The following VPS13C variants were observed in gnomAD, a reference collection of about 807,000 sequenced individuals.
VPS13C encodes the protein vacuolar protein sorting 13 homolog C.
Under a neutral mutation model 456.8 loss-of-function variants are expected in VPS13C, and 358 were observed. That is an observed-to-expected ratio of 0.78 (90% CI 0.72 to 0.86). The LOEUF is 0.86. Among genes scored for constraint, VPS13C ranks in the 40% least tolerant of loss-of-function variants. The pLI is 0.00. For synonymous variants in VPS13C, 1,578 were observed against 1,486.7 expected (o/e 1.06, Z -1.41); for missense variants, 4,818 against 4,385.4 (o/e 1.10, Z -2.79).
chr15:61,947,425 C>A, intron 42 of VPS13C, 116 bp from the exon 43 acceptor site: 1 of 664,074 alleles, frequency 1.5e-6, no homozygotes, highest in South Asian at 2.0e-5. Flanking sequence ...ACCAAAATGC[C>A]CTCCATTAAG....
intron 53 of VPS13C, 65 bp downstream of exon 53, chr15:61,925,391 T>A (rs889235877): frequency 4.3e-6 from 4 of 937,836 alleles, no homozygotes; most frequent in Non-Finnish European, 6.0e-6. Context: ...CTGTCTCAAC[T>A]GCAAATATGC....
At chr15:61,907,417 T>A (rs1435832100) in intron 65 of VPS13C, 27 bp from the exon 66 acceptor site, 1 of 1,610,024 alleles carries the variant, frequency 6.2e-7, no homozygotes, top group East Asian at 2.2e-5. Flanking sequence ...AGAGAGAAAA[T>A]CAGAATATCT....
intron 24 of VPS13C, among the ~76,000 whole-genome samples, 191 bp downstream of exon 24, chr15:61,976,891 A>G (rs1375662173): frequency 6.6e-6 from 1 of 152,018 alleles, no homozygotes; most frequent in Non-Finnish European, 1.5e-5. Flanking sequence ...AAAAGTCCAA[A>G]TATTTCTGAA....
intron 3 of VPS13C, among the ~76,000 whole-genome samples, chr15:62,035,344 T>G (rs2047957216): frequency 6.6e-6 from 1 of 151,962 alleles, no homozygotes; most frequent in Admixed American, 6.6e-5. Context: ...ATTATTTCAA[T>G]CCTGAAAAAA....
Position 61,911,934 on chromosome 15 carries a change from A to G in VPS13C, c.8621T>C (p.Ile2874Thr), listed in dbSNP as rs775999642. The G allele has an allele frequency of 6.2e-7, 1 of 1,613,056 alleles. No homozygotes were observed. The highest frequency in any genetic ancestry group is 8.5e-7 in the Non-Finnish European group (1 of 1,179,460). The change falls in exon 63 of 85, where the codon ATT (isoleucine) becomes ACT (threonine). Residue 2874 changes from isoleucine to threonine, a missense_variant. Physicochemically the swap from Ile to Thr is moderately conservative, Grantham distance 89. Around this residue, in one of 3 missense-constraint regions of VPS13C, gnomAD observed 4,552 missense variants for 4,130.6 expected, o/e 1.10. Coordinates refer to ENST00000644861, the MANE Select transcript of VPS13C (RefSeq NM_020821.3). ...RIVTLTPFCT[I>T]ANKSSLELEV... Reference sequence around the variant, plus strand: ...TAGTTCTAATGATGACTTGTTTGCAATGGTACAAAAGGGAGTCAGGGTAAC... The same window carrying G: ...TAGTTCTAATGATGACTTGTTTGCAGTGGTACAAAAGGGAGTCAGGGTAAC...
intron 41 of VPS13C, among the ~76,000 whole-genome samples, chr15:61,949,815 C>T (rs1406555641): frequency 1.3e-5 from 2 of 152,134 alleles, no homozygotes; most frequent in Non-Finnish European, 2.9e-5. Context: ...TGTGCAACCA[C>T]AATTTTAACT....
At position 61,927,295 on chromosome 15, in the gene VPS13C, A is replaced by G. The variant is rs1242671752; in HGVS notation, c.6312T>C (p.Thr2104=). The part of the protein sequence containing the change: ...EKDDSVRPNM[T]LKAMITDPEV... ...CTGGATCTGTGATCATGGCCTTTAA[A>G]GTCATATTTGGTCTAACAGAGTCAT... The change falls in exon 52 of 85, where the codon ACT becomes ACC. Residue 2104 remains threonine, a synonymous_variant. Transcript: ENST00000644861. 17 of 1,614,058 alleles carry G rather than the reference A, an allele frequency of 1.1e-5. No individual in the cohort carries two copies. Among genetic ancestry groups the G allele is most frequent in the Admixed American group, 5.0e-5 (3 of 60,006 alleles).
intron 30 of VPS13C, 146 bp downstream of exon 30, chr15:61,965,937 G>A (rs1470153720): frequency 1.3e-5 from 6 of 471,590 alleles, no homozygotes; most frequent in Admixed American, 4.2e-5. Context: ...ACAGAGCATG[G>A]TAAGTATCGA....
chr15:62,037,334 TTATATATAATA>T, intron 3 of VPS13C, among the ~76,000 whole-genome samples: 1 of 79,820 alleles, frequency 1.3e-5, no homozygotes, highest in Non-Finnish European at 2.4e-5. Context: ...TTATATACAT[TTATATATAATA>T]TATTATATAT....
chr15:61,965,793 T>C (rs965067536), intron 30 of VPS13C, among the ~76,000 whole-genome samples: 1 of 151,928 alleles, frequency 6.6e-6, no homozygotes, highest in Non-Finnish European at 1.5e-5. Flanking sequence ...TTGGCTAGTT[T>C]AGAAACCTTT....
intron 62 of VPS13C, among the ~76,000 whole-genome samples, chr15:61,912,239 T>G (rs2043322761): frequency 6.6e-6 from 1 of 152,220 alleles, no homozygotes; most frequent in Non-Finnish European, 1.5e-5. Context: ...AACTAACGAC[T>G]TACAATGACA....
rs17303894 is a variant in VPS13C, at chr15:61,873,378, G to A, written c.10446C>T (p.Thr3482=). 0.073 allele frequency: 117,824 copies of A among 1,612,458 alleles called. 4,574 individuals are homozygous for A. The highest frequency in any genetic ancestry group is 0.083 in the Middle Eastern group (503 of 6,060). ...GGAAGVVSRI[T]GSVGKGLAAI... ...CTGCCAAACCTTTCCCAACAGAACC[G>A]GTGATTCGAGATACAACTCCTGCTG... is the stretch of plus-strand genomic sequence containing the variant. The change falls in exon 78 of 85, where the codon ACC becomes ACT. Residue 3482 remains threonine (T), a synonymous_variant. Transcript: ENST00000644861.
At chr15:62,005,619 T>C (rs1249555368) in intron 15 of VPS13C, among the ~76,000 whole-genome samples, 1 of 152,146 alleles carries the variant, frequency 6.6e-6, no homozygotes, top group Non-Finnish European at 1.5e-5. Flanking sequence ...GTCTCGATGG[T>C]CTTTACATTT....
chr15:62,002,800 T>C (rs977984771), intron 15 of VPS13C, among the ~76,000 whole-genome samples: 6 of 152,230 alleles, frequency 3.9e-5, no homozygotes, highest in Non-Finnish European at 5.9e-5. Flanking sequence ...TGCTTGTTTT[T>C]GTCAGGTTTG....
Position 61,877,004 on chromosome 15 carries a change from A to G in VPS13C, c.10193T>C (p.Ile3398Thr). ...RYQFYKRDQL[I>T]WSVVRHYSEQ... The stretch of plus-strand genomic sequence containing the variant: ...ACTGTAATGCCTAACAACACTCCAT[A>G]TAAGCTGATCTCTCTTGTAGAACTG... Residue 3398 changes from isoleucine (I) to threonine (T), a missense_variant, in exon 75 of 85, where the codon ATA (isoleucine) becomes ACA (threonine). This residue lies in a region of VPS13C where 4,552 missense variants were observed against 4,130.6 expected (regional missense o/e 1.10). Coordinates refer to ENST00000644861, the MANE Select transcript of VPS13C (RefSeq NM_020821.3). The G allele has an allele frequency of 1.2e-6, 2 of 1,610,062 alleles. No individual in the cohort carries two copies. Among genetic ancestry groups the G allele is most frequent in the Non-Finnish European group, 1.7e-6 (2 of 1,177,718 alleles).
At chr15:61,910,386 TTC>T in intron 63 of VPS13C, 81 bp from the exon 64 acceptor site, 1 of 1,092,996 alleles carries the variant, frequency 9.1e-7, no homozygotes. Context: ...AAATTTTCAA[TTC>T]TGATTCTGAT....
In VPS13C at chr15:61,922,494, T is replaced by C. The variant is rs1229929613; in HGVS notation, c.6878A>G (p.His2293Arg). ...TGCCAATAATAAAGGTACAGTTCGA[T>C]GTCCAAGGCCACATTCTAAGGTAAC... The part of the protein sequence containing the change: ...IQVTLECGLG[H>R]RTVPLLLAES... Residue 2293 changes from histidine to arginine, a missense_variant, in exon 54 of 85, where the codon CAT becomes CGT. Physicochemically the swap from His to Arg is conservative, Grantham distance 29. Around this residue, in one of 3 missense-constraint regions of VPS13C, gnomAD observed 4,552 missense variants for 4,130.6 expected, o/e 1.10. Coordinates refer to ENST00000644861, the MANE Select transcript of VPS13C (RefSeq NM_020821.3). 29 of 1,614,106 alleles carry C rather than the reference T, an allele frequency of 1.8e-5. No individual in the cohort carries two copies. Among genetic ancestry groups the C allele is most frequent in the Middle Eastern group, 1.6e-4 (1 of 6,062 alleles).
At position 62,023,600 on chromosome 15, in the gene VPS13C, G is replaced by C. The variant is rs984873900; in HGVS notation, c.515-80C>G. On this transcript the variant is annotated intron_variant, in intron 7 of 84. Coordinates refer to ENST00000644861, the MANE Select transcript of VPS13C (RefSeq NM_020821.3). ...AAATTAATAACCAAAGGATAGCTAA[G>C]GTACTACTCAATGGAAATTACAGCC... The C allele has an allele frequency of 8.5e-6, 10 of 1,174,264 alleles. No individual in the cohort carries two copies. In the African/African-American group the frequency reaches 1.6e-4, roughly 19 times the overall value. 72.7% of individuals were successfully genotyped at this position (1,174,264 alleles called of 1,614,324 possible). A position where few individuals can be genotyped will look rare whatever the true frequency, so the allele number is the denominator to read the frequency against.
chr15:61,920,298 A>G lies in VPS13C; in HGVS notation c.7246T>C (p.Tyr2416His), dbSNP rs1408558662. 2 of 1,609,140 alleles carry G rather than the reference A, an allele frequency of 1.2e-6. No homozygotes were observed. Among genetic ancestry groups the G allele is most frequent in the Admixed American group, 1.7e-5 (1 of 59,842 alleles). ...AAAGGAGCTCTGTCCTTTAAAGAGT[A>G]GTCAAAAGTAGAAGCAGTGCCCTCT... ...FSEGTASTFDYSLKDRAPFTV... is the reference protein window; with the variant it reads ...FSEGTASTFDHSLKDRAPFTV... Residue 2416 changes from tyrosine (Y) to histidine (H), a missense_variant, in exon 57 of 85, where the codon TAC becomes CAC. By Grantham distance (83) the Tyr-to-His change is moderately conservative (BLOSUM62 2). This residue lies in a region of VPS13C where 4,552 missense variants were observed against 4,130.6 expected (regional missense o/e 1.10). Transcript: ENST00000644861.
Sources: gnomAD v4.1 joint callset for allele counts (sites outside exome capture counted in the v4.1 genomes callset) on GRCh38, gnomAD v4.1.1 for gene constraint, gnomAD v4.1.1 regional missense constraint, MANE v1.5 for transcripts, NCBI Gene and HGNC (gene_info 2026-07-23, HGNC 2026-07-21) for gene names.